Variants in RPS18 observed in about 807,000 individuals in gnomAD.
RPS18 encodes small ribosomal subunit protein uS13.
For missense variants in RPS18, 49 were observed against 200.8 expected (o/e 0.24, Z 4.57); for synonymous variants, 64 against 70.9 (o/e 0.90, Z 0.49).
In RPS18 at chr6:33,272,076, T is replaced by G; in HGVS notation, c.-44T>G. On this transcript the variant is annotated 5_prime_UTR_variant, in exon 1 of 6. Coordinates refer to ENST00000439602, the MANE Select transcript of RPS18 (RefSeq NM_022551.3). ...TAATGATATCGCGTCACTTCCGCTC[T>G]CTCTTCCACAGGAGGCCTACACGCC... 1 of 1,559,808 alleles carries G rather than the reference T, an allele frequency of 6.4e-7. No individual in the cohort carries two copies. Among genetic ancestry groups the G allele is most frequent in the Non-Finnish European group, 8.7e-7 (1 of 1,151,524 alleles).
rs1765602946 is a variant in RPS18 at position 33,276,050 on chromosome 6, A to G, written c.275A>G (p.Asp92Gly). 1.9e-6 allele frequency: 3 copies of G among 1,614,028 alleles called. No homozygotes were observed. The highest frequency in any genetic ancestry group is 1.3e-5 in the African/African-American group (1 of 75,032). ...TTGAACAGACAGAAGGATGTAAAGG[A>G]TGGAAAATACAGCCAGGTGTGTACT... ...WFLNRQKDVK[D>G]GKYSQVLANG... Residue 92 changes from aspartate (D) to glycine (G), a missense_variant, in exon 4 of 6, where the codon GAT becomes GGT. Physicochemically the swap from Asp to Gly is moderately conservative, Grantham distance 94. Transcript: ENST00000439602.
chr6:33,273,382 CT>C (rs901501091), intron 2 of RPS18, among the ~76,000 whole-genome samples: 1 of 151,446 alleles, frequency 6.6e-6, no homozygotes, highest in African/African-American at 2.4e-5. Context: ...ACATAACGTT[CT>C]TTTTTTTTCC....
At position 33,272,142 on chromosome 6, in the gene RPS18, C is replaced by G; in HGVS notation, c.3+20C>G. ...GCCATGGTAAGACTGGAATCCGTGCCGTGATCCAGCGGCATCGCAGCTCGG... is the reference window on the plus strand; with the variant it reads ...GCCATGGTAAGACTGGAATCCGTGCGGTGATCCAGCGGCATCGCAGCTCGG... On this transcript the variant is annotated intron_variant, in intron 1 of 5. Transcript: ENST00000439602. 3 of 1,559,784 alleles carry G rather than the reference C, an allele frequency of 1.9e-6. No individual in the cohort carries two copies. The highest frequency in any genetic ancestry group is 2.6e-6 in the Non-Finnish European group (3 of 1,151,930).
intron 1 of RPS18, 176 bp from the exon 2 acceptor site, chr6:33,272,452 A>G (rs765210741): frequency 6.8e-5 from 44 of 644,456 alleles, no homozygotes; most frequent in Non-Finnish European, 1.1e-4. Flanking sequence ...TCATGTGCCT[A>G]CTCTGCAGGA....
intron 2 of RPS18, among the ~76,000 whole-genome samples, chr6:33,273,780 ATATAAT>A (rs1482659547): frequency 6.6e-6 from 1 of 152,188 alleles, no homozygotes; most frequent in African/African-American, 2.4e-5. Context: ...ACTTGTAAAC[ATATAAT>A]TAAATTTGAG....
intron 1 of RPS18, 145 bp downstream of exon 1, chr6:33,272,267 A>G: frequency 6.6e-6 from 6 of 910,586 alleles, no homozygotes; most frequent in Non-Finnish European, 1.0e-5. Context: ...AAGGGACACC[A>G]AAGATTTCCA....
rs778810749 is a variant in RPS18 at position 33,272,105 on chromosome 6, G to A, written c.-15G>A. On this transcript the variant is annotated 5_prime_UTR_variant, in exon 1 of 6. Coordinates refer to ENST00000439602, the MANE Select transcript of RPS18 (RefSeq NM_022551.3). ...TTCCACAGGAGGCCTACACGCCGCC[G>A]CTTGTGCTGCAGCCATGGTAAGACT... is the stretch of plus-strand genomic sequence containing the variant. The A allele has an allele frequency of 4.5e-6, 7 of 1,567,350 alleles. No individual in the cohort carries two copies. The highest frequency in any genetic ancestry group is 3.5e-5 in the South Asian group (3 of 85,288).
At chr6:33,274,381 T>TG (rs1554263912) in intron 2 of RPS18, among the ~76,000 whole-genome samples, 4 of 152,080 alleles carry the variant, frequency 2.6e-5, no homozygotes, top group Non-Finnish European at 5.9e-5. Flanking sequence ...CTTGCTGTGT[T>TG]GTCCAGGCTG....
At chr6:33,273,892 T>TTTAA (rs929082929) in intron 2 of RPS18, among the ~76,000 whole-genome samples, 7 of 90,430 alleles carry the variant, frequency 7.7e-5, no homozygotes, top group African/African-American at 4.1e-4. Flanking sequence ...AACCTCGTCA[T>TTTAA]TTAATTAATA....
chr6:33,274,381 T>TGTCCAGG (rs781700443), intron 2 of RPS18, among the ~76,000 whole-genome samples: 2 of 152,080 alleles, frequency 1.3e-5, no homozygotes, highest in Non-Finnish European at 2.9e-5. Flanking sequence ...CTTGCTGTGT[T>TGTCCAGG]GTCCAGGCTG....
intron 2 of RPS18, among the ~76,000 whole-genome samples, chr6:33,274,950 T>C (rs1401445047): frequency 3.9e-5 from 6 of 152,228 alleles, no homozygotes; most frequent in African/African-American, 1.4e-4. Context: ...ATGCTACCAA[T>C]GTAAGCATTA....
chr6:33,275,894 G>A lies in RPS18; in HGVS notation c.189+11G>A, dbSNP rs1475180604. 1 of 1,610,782 alleles carries A rather than the reference G, an allele frequency of 6.2e-7. No individual in the cohort carries two copies. Among genetic ancestry groups the A allele is most frequent in the Non-Finnish European group, 8.5e-7 (1 of 1,177,110 alleles). On this transcript the variant is annotated intron_variant, in intron 3 of 5. Transcript: ENST00000439602. ...CTCACTGAGGATGAGGTGAGGACAAGGAAGGGGGCTGGGGGTGGGGTCAGC... is the reference window on the plus strand; with the variant it reads ...CTCACTGAGGATGAGGTGAGGACAAAGAAGGGGGCTGGGGGTGGGGTCAGC...
intron 1 of RPS18, 27 bp downstream of exon 1, chr6:33,272,149 C>T (rs2150871936): frequency 4.3e-5 from 67 of 1,558,098 alleles, no homozygotes; most frequent in Non-Finnish European, 5.6e-5. Context: ...TGCCGTGATC[C>T]AGCGGCATCG....
chr6:33,275,965 G>T lies in RPS18; in HGVS notation c.190G>T (p.Val64Leu). The change falls in exon 4 of 6, where the codon GTG becomes TTG. Residue 64 changes from valine (V) to leucine (L), a missense_variant and splice_region_variant. Transcript: ENST00000439602. ...KRAGELTEDEVERVITIMQNP... is the reference protein window; with the variant it reads ...KRAGELTEDELERVITIMQNP... ...GATCTGACCTTGGTCTGCCTGCCAG[G>T]TGGAACGTGTGATCACCATTATGCA... 1.2e-6 allele frequency: 2 copies of T among 1,614,048 alleles called. No individual in the cohort carries two copies. Among genetic ancestry groups the T allele is most frequent in the Non-Finnish European group, 1.7e-6 (2 of 1,179,948 alleles).
At chr6:33,273,898 T>TA (rs1562594624) in intron 2 of RPS18, among the ~76,000 whole-genome samples, 22 of 151,538 alleles carry the variant, frequency 1.5e-4, no homozygotes, top group African/African-American at 4.6e-4. Context: ...GTCATTTAAT[T>TA]AATAAATTTG....
chr6:33,275,011 G>C (rs1271387586), intron 2 of RPS18, among the ~76,000 whole-genome samples: 1 of 152,154 alleles, frequency 6.6e-6, no homozygotes, highest in South Asian at 2.1e-4. Flanking sequence ...TGACAAAATT[G>C]AGTTTGTGAT....
chr6:33,272,572 C>T, intron 1 of RPS18, 56 bp from the exon 2 acceptor site: 2 of 840,076 alleles, frequency 2.4e-6, no homozygotes, highest in Admixed American at 3.4e-5. Flanking sequence ...CCTTATCGGC[C>T]TTACTGTTTG....
At chr6:33,272,446 G>A in intron 1 of RPS18, 182 bp from the exon 2 acceptor site, 1 of 636,622 alleles carries the variant, frequency 1.6e-6, no homozygotes, top group Middle Eastern at 4.3e-4. Context: ...AACGCTTCAT[G>A]TGCCTACTCT....
At chr6:33,274,319 T>C (rs1266893950) in intron 2 of RPS18, among the ~76,000 whole-genome samples, 1 of 152,250 alleles carries the variant, frequency 6.6e-6, no homozygotes, top group East Asian at 1.9e-4. Flanking sequence ...ACCTCAACTT[T>C]CCAAGTAGTT....
Sources: gnomAD v4.1 joint callset for allele counts (sites outside exome capture counted in the v4.1 genomes callset) on GRCh38, gnomAD v4.1.1 for gene constraint, MANE v1.5 for transcripts, NCBI Gene and HGNC (gene_info 2026-07-23, HGNC 2026-07-21) for gene names.